Variants in HDAC9 observed in about 807,000 individuals in gnomAD.
The protein encoded by HDAC9 is MEF-2 interacting transcription repressor (MITR) protein.
Under a neutral mutation model 139.4 loss-of-function variants are expected in HDAC9, and 41 were observed. The ratio of observed to expected loss-of-function variants is 0.29; its 90% confidence interval spans 0.23 to 0.38. The LOEUF (loss-of-function observed/expected upper bound fraction) is 0.38, where lower values mean the gene tolerates loss of function less well. Ranked by LOEUF, HDAC9 falls within the 10% of genes least tolerant of loss-of-function variation. HDAC9 has a pLI of 1.00. For synonymous variants in HDAC9, 517 were observed against 476.2 expected (o/e 1.09, Z -1.12); for missense variants, 1,147 against 1,297.0 (o/e 0.88, Z 1.78).
At chr7:18,316,937 C>CA (rs1418306894) in intron 1 of HDAC9, among the ~76,000 whole-genome samples, 1 of 151,528 alleles carries the variant, frequency 6.6e-6, no homozygotes, top group Non-Finnish European at 1.5e-5. Flanking sequence ...ACTAAAAATA[C>CA]AAAAAAATTA....
intron 17 of HDAC9, among the ~76,000 whole-genome samples, chr7:18,823,955 G>A (rs551542697): frequency 6.6e-6 from 1 of 151,318 alleles, no homozygotes. Context: ...TGCAGCCTGG[G>A]TGACAGGGCA....
At chr7:18,466,885 CCTT>C (rs1794324604) in intron 1 of HDAC9, among the ~76,000 whole-genome samples, 2 of 152,270 alleles carry the variant, frequency 1.3e-5, no homozygotes, top group South Asian at 4.1e-4. Flanking sequence ...TTCAGGGAAA[CCTT>C]ATTCTTCTCA....
At chr7:18,621,601 C>G (rs991366096) in intron 6 of HDAC9, among the ~76,000 whole-genome samples, 1 of 151,874 alleles carries the variant, frequency 6.6e-6, no homozygotes, top group Non-Finnish European at 1.5e-5. Context: ...CTAGAAATTC[C>G]CCCAAAATTA....
intron 1 of HDAC9, among the ~76,000 whole-genome samples, chr7:18,296,766 C>G (rs1194748165): frequency 1.3e-5 from 2 of 152,144 alleles, no homozygotes. Context: ...GGGGCAGTGG[C>G]ACCATTAGAA....
chr7:18,968,958 C>CA (rs34379636), intron 24 of HDAC9, among the ~76,000 whole-genome samples: 3,318 of 45,126 alleles, frequency 0.074, 280 homozygotes, highest in African/African-American at 0.13. Context: ...GCCTCCCTCT[C>CA]AAAAAAAAAA....
intron 24 of HDAC9, among the ~76,000 whole-genome samples, chr7:18,971,488 A>G (rs764113809): frequency 6.6e-6 from 1 of 152,204 alleles, no homozygotes; most frequent in Non-Finnish European, 1.5e-5. Flanking sequence ...TCCTATGCCA[A>G]TAGATATGAC....
At chr7:18,431,988 T>C (rs1790716261) in intron 1 of HDAC9, among the ~76,000 whole-genome samples, 1 of 152,206 alleles carries the variant, frequency 6.6e-6, no homozygotes, top group Non-Finnish European at 1.5e-5. Flanking sequence ...ACCTTCCTCC[T>C]CACATCCTTC....
At chr7:18,509,539 C>CTT (rs1800821217) in intron 2 of HDAC9, 7 of 725,096 alleles carry the variant, frequency 9.7e-6, no homozygotes, top group Non-Finnish European at 1.2e-5. Flanking sequence ...AATGAGGCTG[C>CTT]TTGTTTATCT....
At chr7:18,607,312 G>A (rs1006780825) in intron 6 of HDAC9, among the ~76,000 whole-genome samples, 5 of 152,186 alleles carry the variant, frequency 3.3e-5, no homozygotes, top group African/African-American at 1.2e-4. Flanking sequence ...AGCCTAGAAA[G>A]ACAAAGCATG....
chr7:18,288,277 A>G (rs531849479), upstream of HDAC9, among the ~76,000 whole-genome samples: 6 of 152,346 alleles, frequency 3.9e-5, no homozygotes, highest in South Asian at 1.0e-3. Flanking sequence ...ATCTTATGAG[A>G]GAATATTAAT....
intron 17 of HDAC9, among the ~76,000 whole-genome samples, chr7:18,816,053 C>T (rs1448189322): frequency 6.6e-6 from 1 of 152,142 alleles, no homozygotes; most frequent in Non-Finnish European, 1.5e-5. Flanking sequence ...TAAACCATAG[C>T]AATACAATAC....
intron 2 of HDAC9, among the ~76,000 whole-genome samples, chr7:18,243,165 C>T (rs1226390977): frequency 6.6e-6 from 1 of 152,030 alleles, no homozygotes; most frequent in Non-Finnish European, 1.5e-5. Flanking sequence ...TTCTGATTTT[C>T]TGTATTACTA....
intron 1 of HDAC9, chr7:18,162,155 G>A: frequency 1.6e-6 from 1 of 623,058 alleles, no homozygotes; most frequent in Admixed American, 2.8e-5. Flanking sequence ...CTCAAGGCCA[G>A]TTCTCTGTGT....
intron 2 of HDAC9, among the ~76,000 whole-genome samples, chr7:18,535,876 AAACTCTAC>A (rs2128592832): frequency 6.6e-6 from 1 of 152,324 alleles, no homozygotes; most frequent in East Asian, 1.9e-4. Context: ...ATGATCAATG[AAACTCTAC>A]AATAAAGAGG....
At chr7:18,448,243 C>T (rs1437119430) in intron 1 of HDAC9, among the ~76,000 whole-genome samples, 2 of 152,180 alleles carry the variant, frequency 1.3e-5, no homozygotes, top group Non-Finnish European at 2.9e-5. Flanking sequence ...GTGGGAAACA[C>T]ATTAAATTTA....
chr7:18,486,027 C>G (rs1406344783), intron 1 of HDAC9, among the ~76,000 whole-genome samples: 1 of 152,096 alleles, frequency 6.6e-6, no homozygotes, highest in Non-Finnish European at 1.5e-5. Flanking sequence ...GTAAGGGCAT[C>G]TTGTGTGGCC....
chr7:18,264,464 A>G (rs540782555), intron 2 of HDAC9, among the ~76,000 whole-genome samples: 1 of 152,376 alleles, frequency 6.6e-6, no homozygotes, highest in Non-Finnish European at 1.5e-5. Flanking sequence ...ATGTATATCC[A>G]TATTAATGAA....
intron 12 of HDAC9, among the ~76,000 whole-genome samples, chr7:18,691,447 A>G (rs554576088): frequency 6.6e-6 from 1 of 152,128 alleles, no homozygotes; most frequent in East Asian, 1.9e-4. Flanking sequence ...TAAGCAGTAT[A>G]AAACTAAATT....
intron 8 of HDAC9, among the ~76,000 whole-genome samples, chr7:18,644,366 C>T (rs1786683295): frequency 6.6e-6 from 1 of 151,950 alleles, no homozygotes; most frequent in African/African-American, 2.4e-5. Context: ...CAGAATTATC[C>T]AATTTTATCA....
Sources: allele counts gnomAD v4.1 joint callset (sites outside exome capture counted in the v4.1 genomes callset), GRCh38; gene constraint gnomAD v4.1.1; transcripts MANE v1.5; gene names NCBI Gene and HGNC (gene_info 2026-07-23, HGNC 2026-07-21).